Variants in DNM3 observed in about 807,000 individuals in gnomAD.
DNM3 encodes dynamin-3.
DNM3 carries 47 observed loss-of-function variants against 101.6 expected under a neutral mutation model. The observed-to-expected ratio is 0.46, with a 90% confidence interval of 0.37 to 0.59. DNM3 has a LOEUF of 0.59. DNM3 is among the 20% of genes least tolerant of loss of function. The pLI, the probability that DNM3 is intolerant of heterozygous loss-of-function variation, is 0.00. For synonymous variants in DNM3, 385 were observed against 387.9 expected, an observed-to-expected ratio of 0.99 and a Z score of 0.09; for missense variants, 849 against 1,085.7, an observed-to-expected ratio of 0.78 and a Z score of 3.06.
At chr1:172,357,379 G>A (rs1003241327) in intron 17 of DNM3, among the ~76,000 whole-genome samples, 1 of 152,094 alleles carries the variant, frequency 6.6e-6, no homozygotes, top group African/African-American at 2.4e-5. Flanking sequence ...CACTAGTAAT[G>A]AGACAGATCG....
intron 2 of DNM3, among the ~76,000 whole-genome samples, chr1:171,948,009 TA>T (rs1033921706): frequency 6.6e-6 from 1 of 152,224 alleles, no homozygotes; most frequent in African/African-American, 2.4e-5. Context: ...TTCAAGCTCT[TA>T]AAATTACACC....
In DNM3 at chr1:171,841,603, T is replaced by A. The variant is rs2031192944; in HGVS notation, c.-54T>A. 3 of 1,572,832 alleles carry A rather than the reference T, an allele frequency of 1.9e-6. No homozygotes were observed. On this transcript the variant is annotated 5_prime_UTR_variant, in exon 1 of 21. Transcript: ENST00000627582. ...CCAGGGCAGCGCGGCCCCTACTCCC[T>A]GTCAGGTCGTAGAGGCGAGCAGGGA...
chr1:171,923,494 G>T (rs1309478567), intron 2 of DNM3, among the ~76,000 whole-genome samples: 1 of 151,194 alleles, frequency 6.6e-6, no homozygotes, highest in Admixed American at 6.6e-5. Context: ...TGAAGCACAA[G>T]ATTTTTTATT....
At chr1:171,857,609 T>C (rs1418207911) in intron 1 of DNM3, among the ~76,000 whole-genome samples, 2 of 152,196 alleles carry the variant, frequency 1.3e-5, no homozygotes, top group African/African-American at 4.8e-5. Context: ...TGATGACTTA[T>C]GGTTCAAAAC....
intron 2 of DNM3, among the ~76,000 whole-genome samples, chr1:171,975,660 A>G (rs1439927122): frequency 6.6e-6 from 1 of 152,242 alleles, no homozygotes; most frequent in Non-Finnish European, 1.5e-5. Flanking sequence ...AATTTTTCTG[A>G]ATGATGTTAC....
chr1:171,949,023 C>CTAAAAAA (rs2042338461), intron 2 of DNM3, among the ~76,000 whole-genome samples: 1 of 151,924 alleles, frequency 6.6e-6, no homozygotes, highest in African/African-American at 2.4e-5. Context: ...CATAAAGTTA[C>CTAAAAAA]TAAAAAATAA....
At chr1:172,185,607 G>A (rs1300163685) in intron 14 of DNM3, among the ~76,000 whole-genome samples, 1 of 152,048 alleles carries the variant, frequency 6.6e-6, no homozygotes, top group Non-Finnish European at 1.5e-5. Context: ...TAGCAACCTG[G>A]CCTAAACAGA....
chr1:172,070,727 C>T (rs767579543), intron 11 of DNM3, among the ~76,000 whole-genome samples: 46 of 151,976 alleles, frequency 3.0e-4, no homozygotes, highest in East Asian at 7.8e-4. Context: ...CTTCAATTTT[C>T]GCATCTTAAA....
chr1:171,988,992 G>A lies in DNM3; in HGVS notation c.433G>A (p.Val145Met). The A allele has an allele frequency of 6.2e-7, 1 of 1,606,230 alleles. No individual in the cohort carries two copies. Among genetic ancestry groups the A allele is most frequent in the East Asian group, 2.2e-5 (1 of 44,698 alleles). ...IDLPGITKVP[V>M]GDQPPDIEYQ... ...TCTACCTGGAATAACTAAAGTGCCT[G>A]TGGGAGATCAGCCACCAGATATCGA... The change falls in exon 4 of 21, where the codon GTG becomes ATG. Residue 145 changes from valine to methionine, a missense_variant. Coordinates refer to ENST00000627582, the MANE Select transcript of DNM3 (RefSeq NM_015569.5).
intron 7 of DNM3, among the ~76,000 whole-genome samples, chr1:172,040,556 A>G (rs776034777): frequency 5.9e-5 from 9 of 151,898 alleles, no homozygotes; most frequent in Non-Finnish European, 1.3e-4. Context: ...TGGGACAAAT[A>G]TTTATTAAAT....
At chr1:172,321,353 G>A (rs2065706871) in intron 16 of DNM3, among the ~76,000 whole-genome samples, 1 of 152,078 alleles carries the variant, frequency 6.6e-6, no homozygotes, top group Admixed American at 6.6e-5. Flanking sequence ...ACATAACTTT[G>A]TTCTTAGCAT....
intron 1 of DNM3, among the ~76,000 whole-genome samples, chr1:171,863,059 T>TTA (rs397761517): frequency 6.8e-6 from 1 of 147,754 alleles, no homozygotes; most frequent in African/African-American, 2.5e-5. Context: ...TTTTTTTTTT[T>TTA]AAAGACAATA....
intron 6 of DNM3, among the ~76,000 whole-genome samples, chr1:172,033,596 G>T (rs2048764256): frequency 1.3e-5 from 2 of 152,130 alleles, no homozygotes; most frequent in Admixed American, 6.5e-5. Flanking sequence ...GCTTTGAAAA[G>T]TTGATCTCTT....
intron 17 of DNM3, among the ~76,000 whole-genome samples, chr1:172,342,119 C>T (rs1166909888): frequency 6.6e-6 from 1 of 151,906 alleles, no homozygotes; most frequent in Non-Finnish European, 1.5e-5. Flanking sequence ...CAGATGGTGG[C>T]GAGGTTGCAG....
At chr1:171,946,651 G>A (rs1438836741) in intron 2 of DNM3, among the ~76,000 whole-genome samples, 1 of 152,144 alleles carries the variant, frequency 6.6e-6, no homozygotes, top group Non-Finnish European at 1.5e-5. Flanking sequence ...TGCTGAGGCT[G>A]GATAATATAT....
In DNM3 at chr1:172,209,979, A is replaced by C. The variant is rs1331946153; in HGVS notation, c.1660-43594A>C. Among the ~76,000 whole-genome samples the C allele has an allele frequency of 2.0e-5, 3 of 152,122 alleles. No homozygotes were observed. In the East Asian group the frequency reaches 5.8e-4, roughly 29 times the overall value. On this transcript the variant is annotated intron_variant, in intron 14 of 20. Transcript: ENST00000627582. ...TTTTAATAGTAATAATTACATAATA[A>C]TAATATTGTAGCTAACACTTACTGT...
At chr1:172,364,552 G>A (rs569127262) in intron 17 of DNM3, among the ~76,000 whole-genome samples, 1 of 151,836 alleles carries the variant, frequency 6.6e-6, no homozygotes, top group African/African-American at 2.4e-5. Context: ...ATAACAAATT[G>A]CAAGAGCAAG....
At chr1:172,315,798 A>C (rs979729127) in intron 16 of DNM3, among the ~76,000 whole-genome samples, 2 of 152,244 alleles carry the variant, frequency 1.3e-5, no homozygotes, top group Non-Finnish European at 2.9e-5. Flanking sequence ...AATGGAACCA[A>C]GTTAGAAAAC....
Position 172,318,351 on chromosome 1 carries a change from A to G in DNM3, c.1882-4978A>G, listed in dbSNP as rs1198070271. Among the ~76,000 whole-genome samples, 5 of 151,740 alleles carry G rather than the reference A, an allele frequency of 3.3e-5. No homozygotes were observed. In the East Asian group the frequency reaches 7.7e-4, roughly 23 times the overall value. ...CAAGACAGGGATGCCCTCTCTCACCACTCCTATTCAACATAGTGTTGGAAG... is the reference window on the plus strand; with the variant it reads ...CAAGACAGGGATGCCCTCTCTCACCGCTCCTATTCAACATAGTGTTGGAAG... On this transcript the variant is annotated intron_variant, in intron 16 of 20. Coordinates refer to ENST00000627582, the MANE Select transcript of DNM3 (RefSeq NM_015569.5).
Sources: gnomAD v4.1 joint callset for allele counts (sites outside exome capture counted in the v4.1 genomes callset) on GRCh38, gnomAD v4.1.1 for gene constraint, MANE v1.5 for transcripts, NCBI Gene and HGNC (gene_info 2026-07-23, HGNC 2026-07-21) for gene names.